The following CCDC93 variants were observed in gnomAD, a reference collection of about 807,000 sequenced individuals.
CCDC93 encodes coiled-coil domain-containing protein 93.
Under a neutral mutation model 108.2 loss-of-function variants are expected in CCDC93, and 61 were observed. That is an observed-to-expected ratio of 0.56 (90% CI 0.46 to 0.70). The LOEUF (loss-of-function observed/expected upper bound fraction) is 0.70, where lower values mean the gene tolerates loss of function less well. Among genes scored for constraint, CCDC93 ranks in the 30% least tolerant of loss-of-function variants. The probability of loss-of-function intolerance (pLI) is 0.00; values close to 1 mark genes in which losing one functional copy is unlikely to be tolerated. For missense variants in CCDC93, 685 were observed against 764.2 expected, an observed-to-expected ratio of 0.90 and a Z score of 1.22; for synonymous variants, 276 against 260.4, an observed-to-expected ratio of 1.06 and a Z score of -0.58.
chr2:117,959,241 C>A (rs976933828), intron 11 of CCDC93, among the ~76,000 whole-genome samples: 1 of 152,036 alleles, frequency 6.6e-6, no homozygotes, highest in Non-Finnish European at 1.5e-5. Flanking sequence ...CAAACACCGC[C>A]TCAAGACTCC....
At chr2:117,954,543 T>C (rs1291651513) in intron 12 of CCDC93, among the ~76,000 whole-genome samples, 1 of 152,210 alleles carries the variant, frequency 6.6e-6, no homozygotes, top group Admixed American at 6.5e-5. Flanking sequence ...CTCTTACCTC[T>C]ATTTTCTTCT....
At chr2:117,978,855 A>G (rs1251819807) in intron 7 of CCDC93, among the ~76,000 whole-genome samples, 2 of 152,068 alleles carry the variant, frequency 1.3e-5, no homozygotes, top group African/African-American at 4.8e-5. Context: ...TAAAAACACA[A>G]AAAGCAGCTG....
intron 1 of CCDC93, chr2:118,012,869 A>G (rs1473044248): frequency 1.3e-5 from 2 of 152,244 alleles, no homozygotes; most frequent in African/African-American, 4.8e-5. Context: ...TCCCTCAATT[A>G]GTGGATACTT....
rs1325288187 is a variant in CCDC93 at position 117,916,598 on chromosome 2, T to C, written c.*3745A>G. On this transcript the variant is annotated 3_prime_UTR_variant, in exon 24 of 24. Coordinates refer to ENST00000376300, the MANE Select transcript of CCDC93 (RefSeq NM_019044.5). The stretch of plus-strand genomic sequence containing the variant: ...CAGTCATCTACCTTGAGCTAGATGC[T>C]GGGGAGAGTGTGGTAAGACAAGCCC... 2.0e-5 allele frequency: 3 copies of C among 152,170 alleles called. No homozygotes were observed. The highest frequency in any genetic ancestry group is 2.9e-5 in the Non-Finnish European group (2 of 68,036). 9.4% of individuals were successfully genotyped at this position (152,170 alleles called of 1,614,324 possible).
chr2:117,922,202 G>C (rs189116288), intron 23 of CCDC93, among the ~76,000 whole-genome samples: 10 of 152,222 alleles, frequency 6.6e-5, no homozygotes, highest in Admixed American at 2.6e-4. Flanking sequence ...TCTACCGTGG[G>C]GAACTGTGTG....
chr2:117,957,843 C>T (rs1347856389), intron 12 of CCDC93, among the ~76,000 whole-genome samples: 1 of 152,126 alleles, frequency 6.6e-6, no homozygotes, highest in Non-Finnish European at 1.5e-5. Flanking sequence ...TCAGGTCTCC[C>T]TATTAGTCAC....
At chr2:117,978,930 C>A (rs1174027419) in intron 7 of CCDC93, among the ~76,000 whole-genome samples, 1 of 152,172 alleles carries the variant, frequency 6.6e-6, no homozygotes. Flanking sequence ...ATCACTTGAA[C>A]CCAGGAGGCA....
intron 4 of CCDC93, 71 bp downstream of exon 4, chr2:118,000,750 T>C (rs1680820282): frequency 1.0e-6 from 1 of 976,222 alleles, no homozygotes; most frequent in Non-Finnish European, 1.6e-6. Context: ...ACGGACCCAT[T>C]ACAGGACAAG....
intron 3 of CCDC93, among the ~76,000 whole-genome samples, chr2:118,002,318 C>T (rs1676725774): frequency 6.6e-6 from 1 of 152,292 alleles, no homozygotes; most frequent in South Asian, 2.1e-4. Context: ...TGACTCAGGG[C>T]TGGGTGAGAG....
At position 117,982,519 on chromosome 2, in the gene CCDC93, T is replaced by C. The variant is rs560571563; in HGVS notation, c.620+3450A>G. ...ACAAGGTTCATAATTCACCTTTATT[T>C]AAGCAACTGAGAGTCAAAATGGGGG... On this transcript the variant is annotated intron_variant, in intron 7 of 23. Transcript: ENST00000376300. 6.6e-5 allele frequency among the ~76,000 whole-genome samples: 10 copies of C among 152,296 alleles called. No homozygotes were observed. In the South Asian group the frequency reaches 2.1e-3, roughly 32 times the overall value.
chr2:117,971,333 TTGCC>T (rs1394585586), intron 11 of CCDC93, among the ~76,000 whole-genome samples: 6 of 152,130 alleles, frequency 3.9e-5, no homozygotes, highest in Non-Finnish European at 8.8e-5. Flanking sequence ...ACTGCACTCT[TTGCC>T]TGGGCAACAG....
At position 117,917,102 on chromosome 2, in the gene CCDC93, A is replaced by T. The variant is rs1677710229; in HGVS notation, c.*3241T>A. On this transcript the variant is annotated 3_prime_UTR_variant, in exon 24 of 24. Transcript: ENST00000376300. ...AGAACAAGTGGTCAGGCTCAAAGTAACTGTGCTACTGCTAGATACCTACCT... is the reference window on the plus strand; with the variant it reads ...AGAACAAGTGGTCAGGCTCAAAGTATCTGTGCTACTGCTAGATACCTACCT... 1.3e-5 allele frequency: 2 copies of T among 150,370 alleles called. No individual in the cohort carries two copies. The highest frequency in any genetic ancestry group is 2.9e-5 in the Non-Finnish European group (2 of 67,956). 9.3% of individuals were successfully genotyped at this position (150,370 alleles called of 1,614,324 possible).
Position 117,948,139 on chromosome 2 carries a change from T to C in CCDC93, c.1190A>G (p.Lys397Arg). The change falls in exon 15 of 24, where the codon AAA (lysine) becomes AGA (arginine). Residue 397 changes from lysine to arginine, a missense_variant. By Grantham distance (26) the Lys-to-Arg change is conservative. Transcript: ENST00000376300. ...TGCTTTAAATTCCTGTTCTTGACTT[T>C]TCAGATTTTCATTCATGGCTACAAG... ...RALVAMNENL[K>R]SQEQEFKAHC... The C allele has an allele frequency of 6.2e-7, 1 of 1,614,002 alleles. No individual in the cohort carries two copies. The highest frequency in any genetic ancestry group is 8.5e-7 in the Non-Finnish European group (1 of 1,179,864).
chr2:117,962,415 G>T (rs1679426792), intron 11 of CCDC93, among the ~76,000 whole-genome samples: 1 of 152,218 alleles, frequency 6.6e-6, no homozygotes, highest in African/African-American at 2.4e-5. Flanking sequence ...AGGCCAAGGT[G>T]AGTGGATCAC....
At chr2:118,006,204 C>T (rs1241676591) in intron 3 of CCDC93, among the ~76,000 whole-genome samples, 4 of 152,262 alleles carry the variant, frequency 2.6e-5, no homozygotes, top group South Asian at 2.1e-4. Flanking sequence ...TCTCTTCTGA[C>T]GGATAAAAGA....
intron 6 of CCDC93, among the ~76,000 whole-genome samples, chr2:117,986,312 G>A (rs900020800): frequency 4.6e-5 from 7 of 151,992 alleles, no homozygotes; most frequent in African/African-American, 1.2e-4. Flanking sequence ...TATCCTAAAC[G>A]AAATACGTGG....
intron 12 of CCDC93, among the ~76,000 whole-genome samples, chr2:117,953,137 A>T (rs972916692): frequency 6.6e-6 from 1 of 152,242 alleles, no homozygotes; most frequent in Non-Finnish European, 1.5e-5. Flanking sequence ...TACAAGGCAG[A>T]AAACCACCTT....
intron 12 of CCDC93, among the ~76,000 whole-genome samples, chr2:117,957,797 C>G (rs1679265384): frequency 1.3e-5 from 2 of 152,168 alleles, no homozygotes; most frequent in South Asian, 4.1e-4. Flanking sequence ...ACCCACTCAT[C>G]TTTCCAGTCT....
chr2:118,005,695 T>C (rs1676846194), intron 3 of CCDC93, among the ~76,000 whole-genome samples: 1 of 146,532 alleles, frequency 6.8e-6, no homozygotes, highest in Admixed American at 7.0e-5. Flanking sequence ...GAGGCTGCAG[T>C]GAGTGGTGTT....
Sources: allele counts gnomAD v4.1 joint callset (sites outside exome capture counted in the v4.1 genomes callset), GRCh38; gene constraint gnomAD v4.1.1; transcripts MANE v1.5; gene names NCBI Gene and HGNC (gene_info 2026-07-23, HGNC 2026-07-21).